The following VSNL1 variants were observed in gnomAD, a reference collection of about 807,000 sequenced individuals.
VSNL1 encodes visinin like 1.
A neutral mutation model predicts 20.4 loss-of-function variants in VSNL1; 6 were observed. The observed-to-expected ratio is 0.29, with a 90% CI of 0.16 to 0.58. The LOEUF (loss-of-function observed/expected upper bound fraction) is 0.58. VSNL1 is among the 20% of genes least tolerant of loss of function. The pLI is 0.90. For synonymous variants in VSNL1, 93 were observed against 86.4 expected (o/e 1.08, Z -0.42); for missense variants, 100 against 234.5 (o/e 0.43, Z 3.75).
At chr2:17,606,563 A>T (rs1664948761) in intron 2 of VSNL1, among the ~76,000 whole-genome samples, 1 of 152,150 alleles carries the variant, frequency 6.6e-6, no homozygotes, top group African/African-American at 2.4e-5. Flanking sequence ...GTGGGCTATG[A>T]CTGTGAGGTT....
intron 2 of VSNL1, among the ~76,000 whole-genome samples, chr2:17,606,004 G>C (rs1453605156): frequency 6.6e-6 from 1 of 152,202 alleles, no homozygotes; most frequent in Non-Finnish European, 1.5e-5. Flanking sequence ...ATCCTCATAA[G>C]GGTATTTGAG....
chr2:17,543,024 T>C (rs1162766778), intron 1 of VSNL1, among the ~76,000 whole-genome samples: 2 of 152,234 alleles, frequency 1.3e-5, no homozygotes, highest in Non-Finnish European at 2.9e-5. Context: ...CTCAGTGACA[T>C]TGCTGCAGAC....
chr2:17,593,239 T>C (rs79555391), intron 2 of VSNL1, among the ~76,000 whole-genome samples: 5,750 of 152,204 alleles, frequency 0.038, 383 homozygotes, highest in African/African-American at 0.13. Flanking sequence ...AGAATACTCA[T>C]AGCTGCACTA....
At chr2:17,582,011 G>A (rs1288043660) in intron 1 of VSNL1, among the ~76,000 whole-genome samples, 2 of 152,186 alleles carry the variant, frequency 1.3e-5, no homozygotes, top group Non-Finnish European at 2.9e-5. Context: ...AGAAGAAGTA[G>A]CCGTACAGTG....
chr2:17,574,293 A>G (rs960398323), intron 1 of VSNL1, among the ~76,000 whole-genome samples: 7 of 152,102 alleles, frequency 4.6e-5, no homozygotes, highest in East Asian at 1.9e-4. Context: ...GAATGATTAT[A>G]TATGGGCCAA....
At chr2:17,648,492 T>C (rs919526417) in intron 2 of VSNL1, among the ~76,000 whole-genome samples, 4 of 152,260 alleles carry the variant, frequency 2.6e-5, no homozygotes, top group African/African-American at 9.6e-5. Context: ...GACCTTGTAG[T>C]GCTTGCCTAT....
chr2:17,555,882 A>C (rs1488550521), intron 1 of VSNL1, among the ~76,000 whole-genome samples: 1 of 152,210 alleles, frequency 6.6e-6, no homozygotes, highest in African/African-American at 2.4e-5. Flanking sequence ...TGCTTCTGCT[A>C]TATGCCAGAA....
intron 2 of VSNL1, among the ~76,000 whole-genome samples, chr2:17,610,133 G>A (rs1665050430): frequency 6.6e-6 from 1 of 152,214 alleles, no homozygotes; most frequent in African/African-American, 2.4e-5. Flanking sequence ...TGAAACACAG[G>A]GGCTTGGGCC....
intron 2 of VSNL1, among the ~76,000 whole-genome samples, chr2:17,640,303 G>C (rs1034003702): frequency 6.8e-6 from 1 of 147,930 alleles, no homozygotes; most frequent in Non-Finnish European, 1.5e-5. Context: ...GCTTTGAAAA[G>C]ATTAAAAATC....
chr2:17,619,958 A>G (rs529697852), intron 2 of VSNL1, among the ~76,000 whole-genome samples: 1 of 151,832 alleles, frequency 6.6e-6, no homozygotes, highest in Non-Finnish European at 1.5e-5. Flanking sequence ...AGTCATGCCC[A>G]GGGTCTTGAG....
chr2:17,553,807 C>T (rs1054270988), intron 1 of VSNL1, among the ~76,000 whole-genome samples: 1 of 152,160 alleles, frequency 6.6e-6, no homozygotes, highest in African/African-American at 2.4e-5. Flanking sequence ...GAAATAATAT[C>T]CATTAAATGC....
At chr2:17,608,736 T>C (rs760568766) in intron 2 of VSNL1, among the ~76,000 whole-genome samples, 1 of 152,112 alleles carries the variant, frequency 6.6e-6, no homozygotes, top group African/African-American at 2.4e-5. Flanking sequence ...AGAATAATAA[T>C]AATACATATC....
At chr2:17,574,320 C>T (rs1020593136) in intron 1 of VSNL1, among the ~76,000 whole-genome samples, 3 of 152,126 alleles carry the variant, frequency 2.0e-5, no homozygotes, top group Non-Finnish European at 4.4e-5. Flanking sequence ...GCACTTTTAG[C>T]CCTATCATCA....
intron 2 of VSNL1, among the ~76,000 whole-genome samples, chr2:17,621,830 G>A (rs1665367600): frequency 6.6e-6 from 1 of 152,046 alleles, no homozygotes; most frequent in Non-Finnish European, 1.5e-5. Flanking sequence ...TGTAGAGACA[G>A]GGTCTTGCTA....
intron 2 of VSNL1, among the ~76,000 whole-genome samples, chr2:17,592,640 C>CTTTTTTTTTTTTTTTTTTTT (rs55756596): frequency 2.8e-5 from 2 of 70,858 alleles, no homozygotes; most frequent in African/African-American, 9.8e-5. Flanking sequence ...CTCTCTCTCT[C>CTTTTTTTTTTTTTTTTTTTT]TTTTTTTTTT....
intron 2 of VSNL1, among the ~76,000 whole-genome samples, chr2:17,595,805 C>A (rs111584081): frequency 6.6e-6 from 1 of 152,258 alleles, no homozygotes; most frequent in Non-Finnish European, 1.5e-5. Flanking sequence ...CTGTCATCTA[C>A]CAGCCAGGGA....
chr2:17,566,372 A>T (rs1029951934), intron 1 of VSNL1, among the ~76,000 whole-genome samples: 1 of 152,214 alleles, frequency 6.6e-6, no homozygotes, highest in Admixed American at 6.5e-5. Flanking sequence ...CCAGCAGTAT[A>T]TTAGAAGAAT....
chr2:17,558,414 A>C (rs1663738169), intron 1 of VSNL1, among the ~76,000 whole-genome samples: 1 of 152,212 alleles, frequency 6.6e-6, no homozygotes, highest in South Asian at 2.1e-4. Context: ...CTGGCCTTTA[A>C]AGTAGTAGAA....
chr2:17,639,834 A>G (rs1281124362), intron 2 of VSNL1, among the ~76,000 whole-genome samples: 1 of 152,224 alleles, frequency 6.6e-6, no homozygotes, highest in Non-Finnish European at 1.5e-5. Flanking sequence ...CTACTGTTCA[A>G]TAGTGGAAGA....
Sources: gnomAD v4.1 joint callset for allele counts (sites outside exome capture counted in the v4.1 genomes callset) on GRCh38, gnomAD v4.1.1 for gene constraint, MANE v1.5 for transcripts, NCBI Gene and HGNC (gene_info 2026-07-23, HGNC 2026-07-21) for gene names.